CCDC171: variants seen among roughly 807,000 people sequenced by gnomAD.
CCDC171 encodes coiled-coil domain containing 171.
In CCDC171, 177 loss-of-function variants were observed where a neutral mutation model predicts 168.2. The ratio of observed to expected loss-of-function variants is 1.05; its 90% confidence interval spans 0.93 to 1.19. The LOEUF (loss-of-function observed/expected upper bound fraction) is 1.19. CCDC171 is among the 50% of genes most tolerant of loss of function. The pLI is 0.00. For missense variants in CCDC171, 1,991 were observed against 1,539.0 expected (o/e 1.29, Z -4.91); for synonymous variants, 687 against 540.8 (o/e 1.27, Z -3.75).
chr9:15,613,556 C>T (rs548198041), intron 6 of CCDC171, among the ~76,000 whole-genome samples: 5 of 147,818 alleles, frequency 3.4e-5, no homozygotes, highest in Non-Finnish European at 7.4e-5. Context: ...TGGAGTCTCG[C>T]TCTGTCGCCA....
At chr9:16,017,378 A>G (rs1473982605) in intron 3 of CCDC171, among the ~76,000 whole-genome samples, 1 of 152,160 alleles carries the variant, frequency 6.6e-6, no homozygotes, top group African/African-American at 2.4e-5. Flanking sequence ...GGCCAGTCAC[A>G]TAGACAACGC....
Position 16,009,481 on chromosome 9 carries a change from G to A in CCDC171, n.369-11108G>A, listed in dbSNP as rs1451809433. Among the ~76,000 whole-genome samples, 4 of 152,206 alleles carry A rather than the reference G, an allele frequency of 2.6e-5. No individual in the cohort carries two copies. In the East Asian group the frequency reaches 7.7e-4, roughly 29 times the overall value. On this transcript the variant is annotated intron_variant and non_coding_transcript_variant, in intron 3 of 9. Coordinates refer to the CCDC171 transcript ENST00000486641. ...TTTTCTAATAAAAAAGGAGAGTTATGTCTTATTTCTCATTTCAACTATAAG... is the reference window on the plus strand; with the variant it reads ...TTTTCTAATAAAAAAGGAGAGTTATATCTTATTTCTCATTTCAACTATAAG...
intron 21 of CCDC171, among the ~76,000 whole-genome samples, chr9:15,844,124 A>T (rs919503458): frequency 2.0e-5 from 3 of 152,024 alleles, no homozygotes; most frequent in African/African-American, 7.2e-5. Flanking sequence ...TTAGTGGCTA[A>T]CCTGCTGCTT....
chr9:15,886,590 A>G (rs554411955), intron 24 of CCDC171: 1 of 152,298 alleles, frequency 6.6e-6, no homozygotes, highest in Non-Finnish European at 1.5e-5. Flanking sequence ...GAACTACCAT[A>G]TGATCCAGCA....
intron 7 of CCDC171, among the ~76,000 whole-genome samples, chr9:15,632,525 T>C (rs1329473145): frequency 2.0e-5 from 3 of 151,944 alleles, no homozygotes; most frequent in Non-Finnish European, 4.4e-5. Flanking sequence ...TAAAAGAGGA[T>C]ACAAACAAAT....
chr9:16,013,335 A>G (rs908106367), intron 3 of CCDC171, among the ~76,000 whole-genome samples: 2 of 152,080 alleles, frequency 1.3e-5, no homozygotes, highest in Non-Finnish European at 2.9e-5. Flanking sequence ...TCTGCCTCTC[A>G]TCTCTCTTAT....
At chr9:15,760,524 C>G (rs1310791680) in intron 18 of CCDC171, among the ~76,000 whole-genome samples, 1 of 152,150 alleles carries the variant, frequency 6.6e-6, no homozygotes, top group Non-Finnish European at 1.5e-5. Flanking sequence ...GCCTCAGTAT[C>G]CTAATCTGTA....
At chr9:16,010,302 A>G (rs1832833589) in intron 3 of CCDC171, among the ~76,000 whole-genome samples, 1 of 152,226 alleles carries the variant, frequency 6.6e-6, no homozygotes, top group South Asian at 2.1e-4. Flanking sequence ...TATAATGTTC[A>G]ATAAAATAAA....
the CCDC171 span, among the ~76,000 whole-genome samples, chr9:16,085,044 A>C: frequency 6.6e-6 from 1 of 152,232 alleles, no homozygotes; most frequent in Non-Finnish European, 1.5e-5. Flanking sequence ...TGCCTATTAC[A>C]TTATGACAAC....
intron 4 of CCDC171, among the ~76,000 whole-genome samples, chr9:15,584,701 C>T (rs942769980): frequency 6.6e-6 from 1 of 152,096 alleles, no homozygotes; most frequent in Non-Finnish European, 1.5e-5. Flanking sequence ...CCTTCTGAGG[C>T]CCTCCTGTCT....
rs914961542 is a variant in CCDC171 at position 15,972,874 on chromosome 9, C to G, written c.*1038C>G. 2.0e-5 allele frequency: 3 copies of G among 152,116 alleles called. No individual in the cohort carries two copies. Among genetic ancestry groups the G allele is most frequent in the Non-Finnish European group, 4.4e-5 (3 of 68,038 alleles). The allele number at this position is 152,116 out of a possible 1,614,324, so 9.4% of individuals were successfully genotyped here. On this transcript the variant is annotated 3_prime_UTR_variant, in exon 26 of 26. Transcript: ENST00000380701. The stretch of plus-strand genomic sequence containing the variant: ...CATTTCAGCTAGAAAGAGCAAGTGT[C>G]TTGCAACCAAGTGGTCAAATATCAA...
At chr9:15,922,147 C>T (rs769606192) in intron 25 of CCDC171, 2 of 411,210 alleles carry the variant, frequency 4.9e-6, no homozygotes, top group Admixed American at 2.4e-5. Context: ...AGATGGTTCA[C>T]CCTGTAGTGA....
chr9:15,840,882 A>G (rs565833897), intron 21 of CCDC171, among the ~76,000 whole-genome samples: 2 of 152,198 alleles, frequency 1.3e-5, no homozygotes, highest in Admixed American at 1.3e-4. Context: ...TGCGAGGCTT[A>G]GAACAAATAG....
chr9:15,679,997 C>G (rs1397050690), intron 10 of CCDC171, among the ~76,000 whole-genome samples: 5 of 152,114 alleles, frequency 3.3e-5, no homozygotes, highest in Non-Finnish European at 7.3e-5. Flanking sequence ...GTGAAGCTTT[C>G]TGTGATTCTA....
intron 6 of CCDC171, among the ~76,000 whole-genome samples, chr9:15,616,055 A>G (rs2044059953): frequency 6.6e-6 from 1 of 152,124 alleles, no homozygotes; most frequent in African/African-American, 2.4e-5. Context: ...GGTTCAAGCG[A>G]TTCTCTTGCC....
intron 6 of CCDC171, among the ~76,000 whole-genome samples, chr9:16,029,159 A>C (rs1368979398): frequency 7.9e-5 from 12 of 152,130 alleles, no homozygotes; most frequent in Admixed American, 7.2e-4. Context: ...CAAGTGGTAA[A>C]AGGAGAGGAG....
the CCDC171 span, among the ~76,000 whole-genome samples, chr9:16,077,065 A>G: frequency 2.0e-5 from 3 of 152,190 alleles, no homozygotes; most frequent in Admixed American, 6.5e-5. Context: ...CTGAGGAAAA[A>G]AGCAAATAGT....
chr9:15,744,492 G>A lies in CCDC171; in HGVS notation c.2269G>A (p.Glu757Lys). ...ALSTQRDFLQ[E>K]QVNTFELFKL... ...GTCTACACAGAGAGATTTTCTCCAGGAGCAGGTCAACACCTTTGAGTTGTT... is the reference window on the plus strand; with the variant it reads ...GTCTACACAGAGAGATTTTCTCCAGAAGCAGGTCAACACCTTTGAGTTGTT... The change falls in exon 17 of 26, where the codon GAG (glutamate) becomes AAG (lysine). Residue 757 changes from glutamate to lysine, a missense_variant. Physicochemically the swap from Glu to Lys is moderately conservative, Grantham distance 56 (BLOSUM62 1). Coordinates refer to ENST00000380701, the MANE Select transcript of CCDC171 (RefSeq NM_173550.4). 1 of 1,614,180 alleles carries A rather than the reference G, an allele frequency of 6.2e-7. No homozygotes were observed. Among genetic ancestry groups the A allele is most frequent in the East Asian group, 2.2e-5 (1 of 44,876 alleles).
intron 9 of CCDC171, among the ~76,000 whole-genome samples, chr9:15,669,127 C>G (rs1564175791): frequency 1.3e-5 from 2 of 152,030 alleles, no homozygotes; most frequent in African/African-American, 2.4e-5. Context: ...AGAAAAAAAG[C>G]TGTGTGTATA....
Sources: gnomAD v4.1 joint callset for allele counts (sites outside exome capture counted in the v4.1 genomes callset) on GRCh38, gnomAD v4.1.1 for gene constraint, MANE v1.5 for transcripts, NCBI Gene and HGNC (gene_info 2026-07-23, HGNC 2026-07-21) for gene names.